The following FNDC3B variants were observed in gnomAD, a reference collection of about 807,000 sequenced individuals.
FNDC3B encodes the protein fibronectin type III domain-containing protein 3B.
FNDC3B carries 12 observed loss-of-function variants against 151.5 expected under a neutral mutation model. The observed-to-expected ratio is 0.08, with a 90% CI of 0.05 to 0.13. The LOEUF is 0.13. Among genes scored for constraint, FNDC3B ranks in the 10% least tolerant of loss-of-function variants. The probability of loss-of-function intolerance (pLI) is 1.00; values close to 1 mark genes in which losing one functional copy is unlikely to be tolerated. For missense variants in FNDC3B, 1,214 were observed against 1,505.3 expected, an observed-to-expected ratio of 0.81 and a Z score of 3.20; for synonymous variants, 528 against 549.0, an observed-to-expected ratio of 0.96 and a Z score of 0.54.
chr3:172,239,093 A>G (rs954258705), intron 4 of FNDC3B, among the ~76,000 whole-genome samples: 2 of 151,318 alleles, frequency 1.3e-5, no homozygotes, highest in Non-Finnish European at 2.9e-5. Context: ...TTATTCATTT[A>G]CTCATTTAAC....
chr3:172,144,284 C>A (rs543105378), intron 3 of FNDC3B, among the ~76,000 whole-genome samples: 5 of 152,274 alleles, frequency 3.3e-5, no homozygotes, highest in Admixed American at 3.3e-4. Flanking sequence ...CTGAGGGACC[C>A]ATCCTCACAA....
intron 3 of FNDC3B, among the ~76,000 whole-genome samples, chr3:172,180,603 A>T (rs1375003083): frequency 6.6e-6 from 1 of 152,222 alleles, no homozygotes; most frequent in Non-Finnish European, 1.5e-5. Context: ...AAGGAGGCAG[A>T]GCAGACAGAT....
intron 22 of FNDC3B, among the ~76,000 whole-genome samples, chr3:172,355,975 C>A (rs1734076853): frequency 2.0e-5 from 3 of 152,084 alleles, no homozygotes. Context: ...TTTTTTTAAA[C>A]AACCTTATTA....
chr3:172,379,030 A>G (rs1285074), intron 24 of FNDC3B, among the ~76,000 whole-genome samples: 146,227 of 152,322 alleles, frequency 0.96, 70,269 homozygotes, highest in East Asian at 1. Context: ...TATCTCTCGA[A>G]GCTAGTGAAC....
intron 2 of FNDC3B, among the ~76,000 whole-genome samples, chr3:172,133,237 G>A (rs1266452189): frequency 6.6e-6 from 1 of 152,202 alleles, no homozygotes; most frequent in African/African-American, 2.4e-5. Flanking sequence ...TTCAAATGGA[G>A]TTTTTAAAGT....
intron 3 of FNDC3B, among the ~76,000 whole-genome samples, chr3:172,155,276 G>A (rs1271940684): frequency 6.6e-6 from 1 of 152,136 alleles, no homozygotes; most frequent in Non-Finnish European, 1.5e-5. Flanking sequence ...ATTCTTCTTT[G>A]GAGATAGGAA....
At chr3:172,251,887 G>A (rs1164768279) in intron 6 of FNDC3B, among the ~76,000 whole-genome samples, 1 of 152,214 alleles carries the variant, frequency 6.6e-6, no homozygotes, top group East Asian at 1.9e-4. Flanking sequence ...TTTTCTAAAA[G>A]TGTAGGCTAG....
At chr3:172,181,960 T>C (rs1385140963) in intron 3 of FNDC3B, among the ~76,000 whole-genome samples, 1 of 152,220 alleles carries the variant, frequency 6.6e-6, no homozygotes, top group African/African-American at 2.4e-5. Flanking sequence ...GTTATTGCTT[T>C]TTCCTTACTT....
intron 8 of FNDC3B, among the ~76,000 whole-genome samples, chr3:172,296,804 A>G (rs1380956837): frequency 1.3e-5 from 2 of 152,198 alleles, no homozygotes; most frequent in Admixed American, 6.5e-5. Context: ...CTTGTCAGCC[A>G]CATGCAGACC....
At chr3:172,139,603 A>G in intron 3 of FNDC3B, among the ~76,000 whole-genome samples, 1 of 152,144 alleles carries the variant, frequency 6.6e-6, no homozygotes, top group Middle Eastern at 3.2e-3. Flanking sequence ...TTAAATTCTG[A>G]ATCTTTGCCA....
At chr3:172,131,800 C>T (rs1454286143) in intron 2 of FNDC3B, among the ~76,000 whole-genome samples, 2 of 151,764 alleles carry the variant, frequency 1.3e-5, no homozygotes, top group Non-Finnish European at 2.9e-5. Flanking sequence ...ATAGTGTATA[C>T]AGTAAATAAA....
chr3:172,152,502 C>T (rs368867286), intron 3 of FNDC3B, among the ~76,000 whole-genome samples: 2 of 151,750 alleles, frequency 1.3e-5, no homozygotes, highest in Non-Finnish European at 2.9e-5. Context: ...TTCATGTCCT[C>T]AACTACTCCC....
chr3:172,297,328 AAC>A (rs1730665409), intron 8 of FNDC3B, among the ~76,000 whole-genome samples: 1 of 152,272 alleles, frequency 6.6e-6, no homozygotes, highest in Middle Eastern at 3.4e-3. Flanking sequence ...AATAGTTTCA[AAC>A]TTATAAGATG....
chr3:172,116,639 C>T (rs552785696), intron 2 of FNDC3B, among the ~76,000 whole-genome samples: 5 of 152,240 alleles, frequency 3.3e-5, no homozygotes, highest in East Asian at 1.9e-4. Flanking sequence ...GATCTCTGCT[C>T]ACTGCAACAT....
At chr3:172,374,214 C>T (rs963936248) in intron 23 of FNDC3B, among the ~76,000 whole-genome samples, 1 of 152,154 alleles carries the variant, frequency 6.6e-6, no homozygotes, top group African/African-American at 2.4e-5. Flanking sequence ...TTGCCTCTTA[C>T]CATGCGGCTG....
intron 1 of FNDC3B, among the ~76,000 whole-genome samples, chr3:172,054,738 C>A (rs1716830119): frequency 1.3e-5 from 2 of 152,098 alleles, no homozygotes. Context: ...GGGTGCAGCA[C>A]CTCCAGAGAA....
In FNDC3B at chr3:172,352,696, T is replaced by G; in HGVS notation, c.2515-107T>G. 9.3e-7 allele frequency: 1 copy of G among 1,079,498 alleles called. No individual in the cohort carries two copies. Among genetic ancestry groups the G allele is most frequent in the Non-Finnish European group, 1.3e-6 (1 of 754,372 alleles). 66.9% of individuals were successfully genotyped at this position (1,079,498 alleles called of 1,614,324 possible). A position where few individuals can be genotyped will look rare whatever the true frequency, so the allele number is the denominator to read the frequency against. On this transcript the variant is annotated intron_variant, in intron 21 of 25. Coordinates refer to ENST00000415807, the MANE Select transcript of FNDC3B (RefSeq NM_022763.4). This position sits in a 1 kb window ranked among gnomAD's most constrained non-coding sequence, Gnocchi z 4.2. Reference sequence around the variant, plus strand: ...TCTAGGATTTATTTCTACCTGCATATGTGGAAATGTGTACTACTTTAGATT... The same window carrying G: ...TCTAGGATTTATTTCTACCTGCATAGGTGGAAATGTGTACTACTTTAGATT...
intron 4 of FNDC3B, among the ~76,000 whole-genome samples, chr3:172,242,292 T>C (rs1012043825): frequency 6.6e-6 from 1 of 152,134 alleles, no homozygotes; most frequent in Non-Finnish European, 1.5e-5. Context: ...ATCTGGAGGA[T>C]GGTAGCCCTC....
intron 1 of FNDC3B, among the ~76,000 whole-genome samples, chr3:172,045,626 C>T (rs780221587): frequency 1.8e-4 from 27 of 152,018 alleles, no homozygotes; most frequent in Non-Finnish European, 3.5e-4. Flanking sequence ...GCCTTTTCTT[C>T]TTGTTAACGA....
Sources: allele counts gnomAD v4.1 joint callset (sites outside exome capture counted in the v4.1 genomes callset), GRCh38; gene constraint gnomAD v4.1.1; non-coding constraint Gnocchi (gnomAD v3.1); transcripts MANE v1.5; gene names NCBI Gene and HGNC (gene_info 2026-07-23, HGNC 2026-07-21).